The following SOX5 variants were observed in gnomAD, a reference collection of about 807,000 sequenced individuals.
The protein encoded by SOX5 is transcription factor SOX-5.
Under a neutral mutation model 92.0 loss-of-function variants are expected in SOX5, and 9 were observed. The observed-to-expected ratio is 0.10, with a 90% confidence interval of 0.06 to 0.17. SOX5 has a LOEUF of 0.17. Ranked by LOEUF, SOX5 falls within the 10% of genes least tolerant of loss-of-function variation. The pLI is 1.00. For synonymous variants in SOX5, 344 were observed against 336.3 expected (o/e 1.02, Z -0.25); for missense variants, 642 against 944.5 (o/e 0.68, Z 4.20).
At chr12:23,773,628 T>A (rs1336130040) in intron 3 of SOX5, among the ~76,000 whole-genome samples, 1 of 152,032 alleles carries the variant, frequency 6.6e-6, no homozygotes. Flanking sequence ...CGCCTCAGCC[T>A]CCCACAGTAC....
At chr12:24,293,137 T>G (rs1946807526) in intron 2 of SOX5, among the ~76,000 whole-genome samples, 1 of 152,212 alleles carries the variant, frequency 6.6e-6, no homozygotes, top group Non-Finnish European at 1.5e-5. Flanking sequence ...ACAAGATCTA[T>G]TTTCCTTTAC....
rs1379454161 is a variant in SOX5 at position 24,181,866 on chromosome 12, T to C, written c.-2+31477A>G. ...TAACTATGATTCAAAAATGGCCCTCTATATATGCCTTCTTAGAATATGGTC... is the reference window on the plus strand; with the variant it reads ...TAACTATGATTCAAAAATGGCCCTCCATATATGCCTTCTTAGAATATGGTC... On this transcript the variant is annotated intron_variant, in intron 4 of 4. Transcript: ENST00000446891. 2.2e-4 allele frequency among the ~76,000 whole-genome samples: 33 copies of C among 152,182 alleles called. 1 individual carries two copies. The highest frequency in any genetic ancestry group is 2.1e-3 in the Admixed American group (32 of 15,278).
chr12:24,069,911 T>A (rs1423552965), intron 4 of SOX5, among the ~76,000 whole-genome samples: 1 of 152,138 alleles, frequency 6.6e-6, no homozygotes, highest in Non-Finnish European at 1.5e-5. Flanking sequence ...AAATGGGGAA[T>A]TCATGGTATA....
chr12:23,871,721 T>C (rs955956018), intron 2 of SOX5, among the ~76,000 whole-genome samples: 4 of 152,054 alleles, frequency 2.6e-5, no homozygotes, highest in Non-Finnish European at 5.9e-5. Context: ...AACTAATATA[T>C]TAATATTATG....
At chr12:23,834,273 C>T (rs1426713593) in intron 3 of SOX5, among the ~76,000 whole-genome samples, 1 of 151,806 alleles carries the variant, frequency 6.6e-6, no homozygotes, top group African/African-American at 2.4e-5. Context: ...CACAAGATTG[C>T]ATGACAACAT....
At chr12:24,192,249 C>T (rs1405000831) in intron 4 of SOX5, among the ~76,000 whole-genome samples, 4 of 152,152 alleles carry the variant, frequency 2.6e-5, no homozygotes, top group Admixed American at 2.0e-4. Context: ...CCTACTGCCA[C>T]TAGCAGGGTA....
intron 3 of SOX5, among the ~76,000 whole-genome samples, chr12:24,234,568 G>A (rs891333898): frequency 6.6e-6 from 1 of 152,072 alleles, no homozygotes; most frequent in Admixed American, 6.6e-5. Flanking sequence ...AGTAGAGACA[G>A]GGTTTCACCA....
At chr12:24,242,378 G>A (rs1965700578) in intron 3 of SOX5, among the ~76,000 whole-genome samples, 1 of 152,116 alleles carries the variant, frequency 6.6e-6, no homozygotes, top group Non-Finnish European at 1.5e-5. Context: ...AGAAAGTTTT[G>A]CTACAGTTCT....
In SOX5 at chr12:23,895,781, T is replaced by G. The variant is rs2097171000; in HGVS notation, c.270+12A>C. The G allele has an allele frequency of 2.4e-3, 3,723 of 1,567,156 alleles. No homozygotes were observed. The highest frequency in any genetic ancestry group is 3.0e-3 in the Non-Finnish European group (3,403 of 1,137,364). ...AAGTGAGTGTAGGCACAATAAACCA[T>G]GAGAAACCTACCATTGTATTGTGCT... On this transcript the variant is annotated intron_variant, in intron 2 of 14. Transcript: ENST00000451604.
At chr12:23,664,337 A>ATATATATATATATATATATATATAT (rs59753270) in intron 7 of SOX5, among the ~76,000 whole-genome samples, 1 of 151,844 alleles carries the variant, frequency 6.6e-6, no homozygotes, top group African/African-American at 2.4e-5. Context: ...ATATATATAT[A>ATATATATATATATATATATATATAT]AGCCAAAATG....
At chr12:24,176,112 C>CCT (rs1954778634) in intron 4 of SOX5, among the ~76,000 whole-genome samples, 1 of 152,146 alleles carries the variant, frequency 6.6e-6, no homozygotes, top group African/African-American at 2.4e-5. Flanking sequence ...GAACAGATTA[C>CCT]TTGAGTTCCA....
intron 2 of SOX5, among the ~76,000 whole-genome samples, chr12:24,279,687 C>T (rs1944930635): frequency 6.6e-6 from 1 of 152,014 alleles, no homozygotes; most frequent in African/African-American, 2.4e-5. Flanking sequence ...TGTTAAGACT[C>T]TCAAAATAAA....
chr12:23,996,823 G>A (rs1460711614), intron 4 of SOX5, among the ~76,000 whole-genome samples: 1 of 152,174 alleles, frequency 6.6e-6, no homozygotes, highest in East Asian at 1.9e-4. Flanking sequence ...CTAATGGGAA[G>A]GGAAAATAGG....
intron 9 of SOX5, among the ~76,000 whole-genome samples, chr12:23,600,867 G>A (rs1673874365): frequency 6.6e-6 from 1 of 151,934 alleles, no homozygotes; most frequent in Non-Finnish European, 1.5e-5. Context: ...GCTCAGTACA[G>A]CACTCGTATA....
intron 4 of SOX5, among the ~76,000 whole-genome samples, chr12:24,096,836 A>G (rs1312778979): frequency 6.6e-6 from 1 of 152,074 alleles, no homozygotes; most frequent in African/African-American, 2.4e-5. Flanking sequence ...TGTTATAAAT[A>G]CTTGTACAAA....
At chr12:24,015,986 A>G (rs928394322) in intron 4 of SOX5, among the ~76,000 whole-genome samples, 2 of 152,154 alleles carry the variant, frequency 1.3e-5, no homozygotes, top group Non-Finnish European at 2.9e-5. Flanking sequence ...TGAAAGAACC[A>G]TTAATAGTAA....
chr12:24,415,987 A>G (rs1391576638), intron 1 of SOX5, among the ~76,000 whole-genome samples: 2 of 152,220 alleles, frequency 1.3e-5, no homozygotes, highest in African/African-American at 4.8e-5. Context: ...ATTCAGTAAC[A>G]TCAAGACTTA....
chr12:24,380,616 T>C (rs1351313252), intron 1 of SOX5, among the ~76,000 whole-genome samples: 1 of 152,236 alleles, frequency 6.6e-6, no homozygotes, highest in African/African-American at 2.4e-5. Context: ...CCAGCACTAG[T>C]AAATTAGTGT....
rs144153038 is a variant in SOX5 at position 24,076,248 on chromosome 12, C to T, written c.-2+137095G>A. 1.5e-3 allele frequency among the ~76,000 whole-genome samples: 233 copies of T among 152,196 alleles called. No individual in the cohort carries two copies. The East Asian group carries it at 0.024, about 16-fold the overall frequency. ...TCACCTAAAACAACTTTTCTGGAGACGGACCTTGTAAACCCACAAAACCCA... is the reference window on the plus strand; with the variant it reads ...TCACCTAAAACAACTTTTCTGGAGATGGACCTTGTAAACCCACAAAACCCA... On this transcript the variant is annotated intron_variant, in intron 4 of 4. Transcript: ENST00000446891.
Sources: gnomAD v4.1 joint callset for allele counts (sites outside exome capture counted in the v4.1 genomes callset) on GRCh38, gnomAD v4.1.1 for gene constraint, MANE v1.5 for transcripts, NCBI Gene and HGNC (gene_info 2026-07-23, HGNC 2026-07-21) for gene names.